RANBP3: variants seen among roughly 807,000 people sequenced by gnomAD.
The protein encoded by RANBP3 is RAN binding protein 3.
In RANBP3, 14 loss-of-function variants were observed where a neutral mutation model predicts 77.3. The ratio of observed to expected loss-of-function variants is 0.18; its 90% CI spans 0.12 to 0.28. The LOEUF is 0.28. RANBP3 is among the 10% of genes least tolerant of loss of function. The pLI, the probability that RANBP3 is intolerant of heterozygous loss-of-function variation, is 1.00. For synonymous variants in RANBP3, 315 were observed against 312.4 expected (o/e 1.01, Z -0.09); for missense variants, 586 against 752.3 (o/e 0.78, Z 2.59).
At chr19:5,969,089 G>A (rs1016569733) in intron 1 of RANBP3, among the ~76,000 whole-genome samples, 14 of 152,224 alleles carry the variant, frequency 9.2e-5, no homozygotes, top group African/African-American at 3.4e-4. Context: ...GAAAGGAAGA[G>A]CCTGGAGGCC....
chr19:5,927,932 T>C (rs756820448), intron 9 of RANBP3, 36 bp downstream of exon 9: 2 of 1,578,758 alleles, frequency 1.3e-6, no homozygotes, highest in South Asian at 2.3e-5. Flanking sequence ...GGGGAAGGCA[T>C]AAAAAGTCAA....
At position 5,940,787 on chromosome 19, in the gene RANBP3, C is replaced by T. The variant is rs144470510; in HGVS notation, c.406+834G>A. On this transcript the variant is annotated intron_variant, in intron 5 of 16. Coordinates refer to ENST00000340578, the MANE Select transcript of RANBP3 (RefSeq NM_007322.3). Reference sequence around the variant, plus strand: ...CTACAGACAGCTAAGACAGAGGCCACGAGACAATGCCAGAGTGGGAAGTCA... The same window carrying T: ...CTACAGACAGCTAAGACAGAGGCCATGAGACAATGCCAGAGTGGGAAGTCA... 7.8e-3 allele frequency among the ~76,000 whole-genome samples: 1,187 copies of T among 152,324 alleles called. 32 individuals carry two copies. Among genetic ancestry groups the T allele is most frequent in the South Asian group, 4.8e-3 (23 of 4,826 alleles).
chr19:5,945,187 C>T (rs1007085905), intron 3 of RANBP3, among the ~76,000 whole-genome samples: 1 of 152,216 alleles, frequency 6.6e-6, no homozygotes, highest in Admixed American at 6.5e-5. Context: ...CACTGCATCC[C>T]AGGCCCCTTG....
At chr19:5,930,085 A>G (rs185596402) in intron 8 of RANBP3, among the ~76,000 whole-genome samples, 1 of 152,306 alleles carries the variant, frequency 6.6e-6, no homozygotes, top group Non-Finnish European at 1.5e-5. Context: ...CAGCCTGTGC[A>G]CTCACCATCG....
intron 1 of RANBP3, among the ~76,000 whole-genome samples, chr19:5,966,899 G>C (rs1049108377): frequency 1.8e-4 from 28 of 152,234 alleles, no homozygotes; most frequent in African/African-American, 6.5e-4. Flanking sequence ...TCTTACCTGT[G>C]AAAAAAATAT....
At chr19:5,976,201 T>C (rs1279176930) in intron 1 of RANBP3, among the ~76,000 whole-genome samples, 1 of 152,120 alleles carries the variant, frequency 6.6e-6, no homozygotes, top group Admixed American at 6.5e-5. Context: ...TGAAAGACCA[T>C]GGGATGGGCA....
At chr19:5,927,292 A>T (rs1404809030) in intron 9 of RANBP3, among the ~76,000 whole-genome samples, 1 of 152,084 alleles carries the variant, frequency 6.6e-6, no homozygotes, top group Non-Finnish European at 1.5e-5. Flanking sequence ...AACTAGGACC[A>T]CATGTCTGGA....
chr19:5,924,815 A>G lies in RANBP3; in HGVS notation c.996+12T>C. ...TCTGGTCCCTGAGAACATTCCCAAC[A>G]CAGCCACTCACCAAAACTCGCTCGC... On this transcript the variant is annotated intron_variant, in intron 11 of 16. Transcript: ENST00000340578. This position sits in a 1 kb window ranked among gnomAD's most constrained non-coding sequence, Gnocchi z 4.7. 2 of 1,611,972 alleles carry G rather than the reference A, an allele frequency of 1.2e-6. No individual in the cohort carries two copies. Among genetic ancestry groups the G allele is most frequent in the Non-Finnish European group, 1.7e-6 (2 of 1,178,174 alleles).
rs56412359 is a variant in RANBP3 at position 5,920,901 on chromosome 19, C to T, written c.1330+300G>A. The T allele has an allele frequency of 8.0e-3, 1,784 of 221,856 alleles. 7 individuals carry two copies. The highest frequency in any genetic ancestry group is 0.011 in the Non-Finnish European group (1,293 of 112,450). 13.7% of individuals were successfully genotyped at this position (221,856 alleles called of 1,614,324 possible). On this transcript the variant is annotated intron_variant, in intron 14 of 16. Transcript: ENST00000340578. Reference sequence around the variant, plus strand: ...TTGATGTTTGATTTCATTTTCCTTTCTATCATAAACCTGCCACTTTGTCAG... The same window carrying T: ...TTGATGTTTGATTTCATTTTCCTTTTTATCATAAACCTGCCACTTTGTCAG...
intron 1 of RANBP3, 105 bp downstream of exon 1, chr19:5,977,956 G>T: frequency 6.9e-7 from 1 of 1,442,614 alleles, no homozygotes; most frequent in South Asian, 1.3e-5. Flanking sequence ...TGGAGCGGAC[G>T]AAACCCTTGC....
chr19:5,922,502 C>T (rs141348040), intron 13 of RANBP3, among the ~76,000 whole-genome samples: 302 of 152,256 alleles, frequency 2.0e-3, no homozygotes, highest in African/African-American at 6.6e-3. Flanking sequence ...CAGGAGGGGA[C>T]GGTGGGGTGG....
At chr19:5,935,167 A>G (rs1169014205) in intron 5 of RANBP3, among the ~76,000 whole-genome samples, 1 of 152,246 alleles carries the variant, frequency 6.6e-6, no homozygotes, top group Non-Finnish European at 1.5e-5. Context: ...ATCAAGATTC[A>G]GCAGGCCAAG....
chr19:5,920,661 C>T (rs945291576), intron 14 of RANBP3, among the ~76,000 whole-genome samples: 7 of 152,168 alleles, frequency 4.6e-5, no homozygotes, highest in African/African-American at 1.7e-4. Context: ...AATTCTCCTG[C>T]CTCAGCCTCC....
Position 5,917,582 on chromosome 19 carries a change from G to A in RANBP3, c.*28C>T, listed in dbSNP as rs2057755805. 4 of 1,566,562 alleles carry A rather than the reference G, an allele frequency of 2.6e-6. No homozygotes were observed. Among genetic ancestry groups the A allele is most frequent in the Non-Finnish European group, 3.4e-6 (4 of 1,160,246 alleles). Reference sequence around the variant, plus strand: ...GGGTGGATAGACGGACAAAGCAGCAGCCTGGTGTGCAGCCGGGCTCCCGGC... The same window carrying A: ...GGGTGGATAGACGGACAAAGCAGCAACCTGGTGTGCAGCCGGGCTCCCGGC... On this transcript the variant is annotated 3_prime_UTR_variant, in exon 17 of 17. Coordinates refer to ENST00000340578, the MANE Select transcript of RANBP3 (RefSeq NM_007322.3).
chr19:5,934,233 A>T (rs2058035276), intron 5 of RANBP3: 1 of 152,248 alleles, frequency 6.6e-6, no homozygotes, highest in Non-Finnish European at 1.5e-5. Flanking sequence ...GGGAGTGGGG[A>T]TGGTGGTCTA....
At chr19:5,975,410 T>C (rs2058578713) in intron 1 of RANBP3, among the ~76,000 whole-genome samples, 1 of 152,072 alleles carries the variant, frequency 6.6e-6, no homozygotes, top group Non-Finnish European at 1.5e-5. Flanking sequence ...CAGCATATGC[T>C]AGAAACAGTA....
At position 5,917,201 on chromosome 19, in the gene RANBP3, C is replaced by A; in HGVS notation, c.*409G>T. 3.4e-6 allele frequency: 1 copy of A among 290,194 alleles called. No individual in the cohort carries two copies. The highest frequency in any genetic ancestry group is 3.3e-5 in the South Asian group (1 of 30,536). The allele number at this position is 290,194 out of a possible 1,614,324, so 18.0% of individuals were successfully genotyped here. On this transcript the variant is annotated 3_prime_UTR_variant, in exon 17 of 17. Coordinates refer to ENST00000340578, the MANE Select transcript of RANBP3 (RefSeq NM_007322.3). ...CAGGGGCAGAGGGCTGGCTGCTCCC[C>A]ACAAAGGCAGGGCCCCACAGCAGGG...
At chr19:5,917,762 A>G (rs1462217693) in intron 16 of RANBP3, 32 bp downstream of exon 16, 12 of 1,590,414 alleles carry the variant, frequency 7.5e-6, no homozygotes, top group African/African-American at 2.7e-5. Flanking sequence ...AGCTCTTTCT[A>G]TCCCCCCCAG....
chr19:5,937,139 A>G (rs567951835), intron 5 of RANBP3, among the ~76,000 whole-genome samples: 1 of 150,732 alleles, frequency 6.6e-6, no homozygotes, highest in Non-Finnish European at 1.5e-5. Flanking sequence ...TAAAGACATC[A>G]CTGGGCGCGA....
Sources: gnomAD v4.1 joint callset for allele counts (sites outside exome capture counted in the v4.1 genomes callset) on GRCh38, gnomAD v4.1.1 for gene constraint, Gnocchi (gnomAD v3.1) non-coding constraint, MANE v1.5 for transcripts, NCBI Gene and HGNC (gene_info 2026-07-23, HGNC 2026-07-21) for gene names.